The following SLC4A4 variants were observed in gnomAD, a reference collection of about 807,000 sequenced individuals.
SLC4A4 encodes solute carrier family 4 member 4.
In SLC4A4, 27 loss-of-function variants were observed where a neutral mutation model predicts 111.5. The ratio of observed to expected loss-of-function variants is 0.24; its 90% CI spans 0.18 to 0.33. The LOEUF (loss-of-function observed/expected upper bound fraction) is 0.33, where lower values mean the gene tolerates loss of function less well. Ranked by LOEUF, SLC4A4 falls within the 10% of genes least tolerant of loss-of-function variation. SLC4A4 has a pLI of 1.00. For synonymous variants in SLC4A4, 443 were observed against 463.4 expected (o/e 0.96, Z 0.57); for missense variants, 909 against 1,315.5 (o/e 0.69, Z 4.78).
intron 2 of SLC4A4, among the ~76,000 whole-genome samples, chr4:71,176,486 G>C (rs1578553220): frequency 6.6e-6 from 1 of 152,256 alleles, no homozygotes; most frequent in East Asian, 1.9e-4. Context: ...GTCCTTAAAA[G>C]ACCTGATGGA....
chr4:71,110,359 C>T (rs1743053308), intron 2 of SLC4A4, among the ~76,000 whole-genome samples: 1 of 152,020 alleles, frequency 6.6e-6, no homozygotes, highest in South Asian at 2.1e-4. Flanking sequence ...GGACTACAGG[C>T]ACATGTTACC....
At chr4:71,411,362 G>GC (rs200890739) in intron 7 of SLC4A4, among the ~76,000 whole-genome samples, 2,638 of 149,570 alleles carry the variant, frequency 0.018, 62 homozygotes, top group African/African-American at 0.057. Flanking sequence ...TCTGTGACAC[G>GC]CCCCCCCCCT....
In SLC4A4 at chr4:71,375,072, A is replaced by T. The variant is rs184240979; in HGVS notation, c.730+17885A>T. Among the ~76,000 whole-genome samples the T allele has an allele frequency of 3.0e-3, 458 of 152,142 alleles. 2 individuals are homozygous for T. The highest frequency in any genetic ancestry group is 4.7e-3 in the Non-Finnish European group (322 of 67,980). ...TTGCCTCAGTCTCCTTTCCAGTCTG[A>T]CTTTCCTTGCTTTTGTTCATGTCCT... On this transcript the variant is annotated intron_variant, in intron 6 of 25. Transcript: ENST00000264485.
intron 7 of SLC4A4, among the ~76,000 whole-genome samples, chr4:71,406,166 T>G (rs2148992942): frequency 6.6e-6 from 1 of 152,236 alleles, no homozygotes; most frequent in East Asian, 1.9e-4. Context: ...ATCTCCTTCC[T>G]TTCCTTCCCC....
chr4:71,464,549 A>G (rs1727140662), intron 12 of SLC4A4, among the ~76,000 whole-genome samples: 1 of 152,140 alleles, frequency 6.6e-6, no homozygotes, highest in Non-Finnish European at 1.5e-5. Context: ...AGTCCTTATG[A>G]GACCTTCCTG....
chr4:71,360,929 A>G (rs945023699), intron 6 of SLC4A4, among the ~76,000 whole-genome samples: 1 of 152,154 alleles, frequency 6.6e-6, no homozygotes, highest in Non-Finnish European at 1.5e-5. Context: ...ATTGAGCAAA[A>G]AGGAAAAAAA....
chr4:71,280,814 C>G (rs551377650), intron 3 of SLC4A4, among the ~76,000 whole-genome samples: 51 of 152,146 alleles, frequency 3.4e-4, no homozygotes, highest in African/African-American at 1.2e-3. Context: ...ACTCTATAAT[C>G]TCTTTCAAGT....
intron 2 of SLC4A4, among the ~76,000 whole-genome samples, chr4:71,153,728 C>A (rs922869556): frequency 3.3e-5 from 5 of 152,122 alleles, no homozygotes; most frequent in Admixed American, 3.3e-4. Flanking sequence ...CTACACCTTA[C>A]AAGCAAAAGG....
At chr4:71,561,884 G>T (rs537644800) in intron 23 of SLC4A4, among the ~76,000 whole-genome samples, 1 of 151,858 alleles carries the variant, frequency 6.6e-6, no homozygotes, top group South Asian at 2.1e-4. Context: ...TATGTACCTG[G>T]ACATCAAATT....
chr4:71,159,366 TA>T (rs1744562001), intron 2 of SLC4A4, among the ~76,000 whole-genome samples: 1 of 152,162 alleles, frequency 6.6e-6, no homozygotes, highest in Admixed American at 6.5e-5. Flanking sequence ...GTAAATATTT[TA>T]TTTTTTTTAA....
chr4:71,404,790 G>A (rs890266153), intron 7 of SLC4A4, among the ~76,000 whole-genome samples: 2 of 151,692 alleles, frequency 1.3e-5, no homozygotes, highest in Admixed American at 6.6e-5. Flanking sequence ...TATATATAGG[G>A]AATCATTCTT....
At chr4:71,239,765 A>T (rs1720061430) in intron 2 of SLC4A4, among the ~76,000 whole-genome samples, 1 of 152,220 alleles carries the variant, frequency 6.6e-6, no homozygotes. Flanking sequence ...GCCAATTTTA[A>T]TCTTTAAAAT....
chr4:71,103,791 T>C (rs1401612254), intron 2 of SLC4A4, among the ~76,000 whole-genome samples: 2 of 151,786 alleles, frequency 1.3e-5, no homozygotes, highest in Non-Finnish European at 2.9e-5. Context: ...GGGAAATTTA[T>C]AGCACTAAAT....
At chr4:71,300,059 CA>C (rs1245845060) in intron 3 of SLC4A4, among the ~76,000 whole-genome samples, 1 of 152,190 alleles carries the variant, frequency 6.6e-6, no homozygotes, top group Non-Finnish European at 1.5e-5. Flanking sequence ...TAATCAAACC[CA>C]TTTTTCATGT....
At chr4:71,289,483 A>T (rs1032464387) in intron 3 of SLC4A4, among the ~76,000 whole-genome samples, 10 of 152,326 alleles carry the variant, frequency 6.6e-5, no homozygotes, top group African/African-American at 2.4e-4. Flanking sequence ...TATGCAAGAG[A>T]AATTCCCTGC....
At chr4:71,539,478 A>C (rs1249080883) in intron 18 of SLC4A4, among the ~76,000 whole-genome samples, 7 of 152,132 alleles carry the variant, frequency 4.6e-5, no homozygotes, top group African/African-American at 1.7e-4. Context: ...TCAAATGAAC[A>C]GTTGAGTTTT....
At position 71,424,999 on chromosome 4, in the gene SLC4A4, A is replaced by T. The variant is rs180919912; in HGVS notation, c.808-15617A>T. ...AAAACTTAAAGTATAATAATAATAAAAAAAAAGAATAAAAGGTAATAGCTG... is the reference window on the plus strand; with the variant it reads ...AAAACTTAAAGTATAATAATAATAATAAAAAAGAATAAAAGGTAATAGCTG... On this transcript the variant is annotated intron_variant, in intron 7 of 25. Transcript: ENST00000264485. 7.2e-4 allele frequency among the ~76,000 whole-genome samples: 110 copies of T among 152,228 alleles called. 2 individuals are homozygous for T. Among genetic ancestry groups the T allele is most frequent in the Admixed American group, 4.0e-3 (61 of 15,266 alleles).
intron 2 of SLC4A4, among the ~76,000 whole-genome samples, chr4:71,153,204 C>T (rs1304222230): frequency 9.9e-5 from 15 of 151,820 alleles, no homozygotes; most frequent in African/African-American, 1.9e-4. Context: ...GCATCCAGTA[C>T]AGGAGAAAGA....
rs548596359 is a variant in SLC4A4 at position 71,182,077 on chromosome 4, G to T, written c.-1-54499G>T. 4.6e-5 allele frequency among the ~76,000 whole-genome samples: 7 copies of T among 152,198 alleles called. No individual in the cohort carries two copies. In the East Asian group the frequency reaches 1.2e-3, roughly 25 times the overall value. ...ATTTTGTCCACTTATTTGTTTACTT[G>T]TAAGTTCCATGAAGCAGGAACTTTT... On this transcript the variant is annotated intron_variant, in intron 2 of 26. Coordinates refer to the SLC4A4 transcript ENST00000649996.
Sources: allele counts gnomAD v4.1 joint callset (sites outside exome capture counted in the v4.1 genomes callset), GRCh38; gene constraint gnomAD v4.1.1; transcripts MANE v1.5; gene names NCBI Gene and HGNC (gene_info 2026-07-23, HGNC 2026-07-21).